Variants in ATE1 observed in about 807,000 individuals in gnomAD.
ATE1 encodes arginyl-tRNA--protein transferase 1.
A neutral mutation model predicts 70.5 loss-of-function variants in ATE1; 36 were observed. That is an observed-to-expected ratio of 0.51 (90% CI 0.39 to 0.67). ATE1 has a LOEUF of 0.67. Among genes scored for constraint, ATE1 ranks in the 30% least tolerant of loss-of-function variants. The probability of loss-of-function intolerance (pLI) is 0.00; values close to 1 mark genes in which losing one functional copy is unlikely to be tolerated. For synonymous variants in ATE1, 232 were observed against 219.3 expected (o/e 1.06, Z -0.51); for missense variants, 593 against 629.5 (o/e 0.94, Z 0.62).
At chr10:121,766,239 T>C (rs1210535978) in intron 11 of ATE1, among the ~76,000 whole-genome samples, 1 of 152,162 alleles carries the variant, frequency 6.6e-6, no homozygotes. Context: ...ATTAACTATC[T>C]GCGACATGCT....
At chr10:121,861,492 A>G (rs1949465971) in intron 8 of ATE1, among the ~76,000 whole-genome samples, 1 of 151,366 alleles carries the variant, frequency 6.6e-6, no homozygotes, top group Non-Finnish European at 1.5e-5. Context: ...TATCGCAAGA[A>G]CAAAAAACCA....
At chr10:121,903,941 C>G (rs56094144) in intron 5 of ATE1, among the ~76,000 whole-genome samples, 1 of 151,872 alleles carries the variant, frequency 6.6e-6, no homozygotes, top group African/African-American at 2.4e-5. Flanking sequence ...GAAACAGAGA[C>G]AGGATTTACC....
chr10:121,910,829 G>A (rs1951392183), intron 5 of ATE1, 77 bp downstream of exon 5: 1 of 1,590,642 alleles, frequency 6.3e-7, no homozygotes, highest in Non-Finnish European at 8.6e-7. Context: ...TTTGGCTGAT[G>A]GAAAGACCCA....
intron 2 of ATE1, among the ~76,000 whole-genome samples, chr10:121,922,810 C>T (rs554031522): frequency 6.6e-6 from 1 of 152,240 alleles, no homozygotes; most frequent in East Asian, 1.9e-4. Flanking sequence ...GCACGGAGTA[C>T]CCCAAAACTA....
chr10:121,871,774 G>C (rs1034059298), intron 7 of ATE1, among the ~76,000 whole-genome samples: 1 of 151,952 alleles, frequency 6.6e-6, no homozygotes, highest in African/African-American at 2.4e-5. Flanking sequence ...CAAACAGTAA[G>C]AATTTTTTCT....
rs1459066761 is a variant in ATE1, at chr10:121,741,616, A to G, written c.*2064T>C. ...AATCACAAAGACAAATGGAGGGAAG[A>G]TACAGTGATAACACCAAGTTGGACA... On this transcript the variant is annotated 3_prime_UTR_variant, in exon 12 of 12. Coordinates refer to ENST00000224652, the MANE Select transcript of ATE1 (RefSeq NM_001001976.3). The G allele has an allele frequency of 6.6e-6, 1 of 152,238 alleles. No individual in the cohort carries two copies. The highest frequency in any genetic ancestry group is 1.5e-5 in the Non-Finnish European group (1 of 68,048). 9.4% of individuals were successfully genotyped at this position (152,238 alleles called of 1,614,324 possible). A position where few individuals can be genotyped will look rare whatever the true frequency, so the allele number is the denominator to read the frequency against.
At chr10:121,856,458 A>C (rs1239168897) in intron 8 of ATE1, among the ~76,000 whole-genome samples, 8 of 152,158 alleles carry the variant, frequency 5.3e-5, no homozygotes, top group Admixed American at 1.3e-4. Flanking sequence ...TGAACCCAGG[A>C]GGAGGAGGCT....
At chr10:121,928,075 C>A, upstream of ATE1, 1 of 1,207,184 alleles carries the variant, frequency 8.3e-7, no homozygotes, top group South Asian at 4.0e-5. Context: ...CTCGGGCGCC[C>A]GCAGGCCCGG....
intron 7 of ATE1, among the ~76,000 whole-genome samples, chr10:121,877,375 T>C (rs2134083038): frequency 6.6e-6 from 1 of 152,334 alleles, no homozygotes; most frequent in East Asian, 1.9e-4. Context: ...GCTGACATTC[T>C]TGATCTGCAA....
chr10:121,745,752 G>C (rs766248707), intron 11 of ATE1, among the ~76,000 whole-genome samples: 9 of 151,868 alleles, frequency 5.9e-5, no homozygotes, highest in Non-Finnish European at 8.8e-5. Flanking sequence ...AAGAACCACT[G>C]TCCTAGAGAA....
intron 3 of ATE1, among the ~76,000 whole-genome samples, chr10:121,918,215 C>A (rs528238704): frequency 1.3e-5 from 2 of 152,076 alleles, no homozygotes; most frequent in Admixed American, 1.3e-4. Context: ...CGCCTGTAGT[C>A]CCAGCTACTC....
In ATE1 at chr10:121,859,258, T is replaced by TA. The variant is rs199703116; in HGVS notation, c.975+10747_975+10748insT. ...AGAAAAGTTATTATTTTATTTTATT[T>TA]TATTTTTTTTTTTTTTGAGACGGAG... On this transcript the variant is annotated intron_variant, in intron 8 of 11. Transcript: ENST00000224652. 5.8e-4 allele frequency among the ~76,000 whole-genome samples: 88 copies of TA among 150,682 alleles called. 1 individual carries two copies. Among genetic ancestry groups the TA allele is most frequent in the African/African-American group, 9.2e-4 (38 of 41,108 alleles).
chr10:121,834,123 T>C lies in ATE1; in HGVS notation c.1257+2595A>G, dbSNP rs528117425. Among the ~76,000 whole-genome samples the C allele has an allele frequency of 3.4e-3, 517 of 152,352 alleles. 2 individuals carry two copies. Among genetic ancestry groups the C allele is most frequent in the African/African-American group, 0.012 (496 of 41,598 alleles). On this transcript the variant is annotated intron_variant, in intron 10 of 11. Coordinates refer to ENST00000224652, the MANE Select transcript of ATE1 (RefSeq NM_001001976.3). Reference sequence around the variant, plus strand: ...TCTGAAATGACCCTAAAACTTCCCATTGGCTGACTTTGTGACATTCAAATC... The same window carrying C: ...TCTGAAATGACCCTAAAACTTCCCACTGGCTGACTTTGTGACATTCAAATC...
At chr10:121,773,861 T>G (rs937587081) in intron 11 of ATE1, among the ~76,000 whole-genome samples, 1 of 152,176 alleles carries the variant, frequency 6.6e-6, no homozygotes. Context: ...CCCTTCTTCT[T>G]GAAAAATCAC....
In ATE1 at chr10:121,790,153, T is replaced by C. The variant is rs1946377442; in HGVS notation, c.1378+16A>G. ...CAAAGCCAATGATTTCCAGCTGAGC[T>C]CAGCTCCAAACATACCTGCTTCTGG... On this transcript the variant is annotated intron_variant, in intron 11 of 11. Coordinates refer to ENST00000224652, the MANE Select transcript of ATE1 (RefSeq NM_001001976.3). 1 of 1,613,544 alleles carries C rather than the reference T, an allele frequency of 6.2e-7. No homozygotes were observed. The highest frequency in any genetic ancestry group is 1.3e-5 in the African/African-American group (1 of 74,852).
intron 10 of ATE1, among the ~76,000 whole-genome samples, chr10:121,809,882 A>C (rs952911985): frequency 1.3e-5 from 2 of 152,064 alleles, no homozygotes; most frequent in Non-Finnish European, 2.9e-5. Flanking sequence ...GAAAGCCACA[A>C]AAAACAAAAC....
intron 11 of ATE1, among the ~76,000 whole-genome samples, chr10:121,750,177 T>C (rs562076106): frequency 3.2e-4 from 48 of 152,336 alleles, no homozygotes; most frequent in Non-Finnish European, 5.6e-4. Context: ...GCCTAATAAA[T>C]GTCATCAGTG....
At chr10:121,752,662 T>C (rs927506694) in intron 11 of ATE1, among the ~76,000 whole-genome samples, 9 of 152,240 alleles carry the variant, frequency 5.9e-5, no homozygotes, top group African/African-American at 2.2e-4. Context: ...GCTGTATCCT[T>C]TTCCCTGAAT....
chr10:121,756,763 T>C (rs1351685093), intron 11 of ATE1, among the ~76,000 whole-genome samples: 1 of 152,106 alleles, frequency 6.6e-6, no homozygotes, highest in East Asian at 1.9e-4. Flanking sequence ...CCCTAGGCTG[T>C]ACACAGCACA....
Sources: gnomAD v4.1 joint callset for allele counts (sites outside exome capture counted in the v4.1 genomes callset) on GRCh38, gnomAD v4.1.1 for gene constraint, MANE v1.5 for transcripts, NCBI Gene and HGNC (gene_info 2026-07-23, HGNC 2026-07-21) for gene names.